Variants in CADM1 observed in about 807,000 individuals in gnomAD.
CADM1 encodes the protein TSLC-1.
Under a neutral mutation model 53.1 loss-of-function variants are expected in CADM1, and 15 were observed. The observed-to-expected ratio is 0.28, with a 90% CI of 0.19 to 0.44. CADM1 has a LOEUF of 0.44. CADM1 is among the 20% of genes least tolerant of loss of function. The pLI is 1.00. For synonymous variants in CADM1, 281 were observed against 243.0 expected (o/e 1.16, Z -1.45); for missense variants, 434 against 611.3 (o/e 0.71, Z 3.06).
intron 1 of CADM1, among the ~76,000 whole-genome samples, chr11:115,344,014 A>G (rs1312561002): frequency 1.3e-5 from 2 of 152,162 alleles, no homozygotes; most frequent in African/African-American, 2.4e-5. Flanking sequence ...AGTATCGTGG[A>G]GCTTTGTTAA....
intron 1 of CADM1, among the ~76,000 whole-genome samples, chr11:115,332,221 C>T (rs1565370089): frequency 6.6e-6 from 1 of 151,972 alleles, no homozygotes; most frequent in Non-Finnish European, 1.5e-5. Flanking sequence ...AAAACAAGGA[C>T]AGAACAAGGA....
At chr11:115,285,356 G>T (rs10891822) in intron 1 of CADM1, among the ~76,000 whole-genome samples, 1 of 152,052 alleles carries the variant, frequency 6.6e-6, no homozygotes, top group Non-Finnish European at 1.5e-5. Context: ...GCTACAAATT[G>T]TTCTAAGTAC....
chr11:115,418,940 A>C, intron 1 of CADM1, among the ~76,000 whole-genome samples: 1 of 152,238 alleles, frequency 6.6e-6, no homozygotes, highest in East Asian at 1.9e-4. Flanking sequence ...ATCATAATTT[A>C]GAATACAAAT....
At chr11:115,236,127 C>A (rs1191512180) in intron 3 of CADM1, among the ~76,000 whole-genome samples, 1 of 152,174 alleles carries the variant, frequency 6.6e-6, no homozygotes, top group Non-Finnish European at 1.5e-5. Context: ...AACTAATAGA[C>A]ACATGCACTA....
At chr11:115,352,493 G>A (rs1370072715) in intron 1 of CADM1, among the ~76,000 whole-genome samples, 1 of 152,120 alleles carries the variant, frequency 6.6e-6, no homozygotes, top group East Asian at 1.9e-4. Flanking sequence ...GCAGAGTGCT[G>A]GATAAAATAG....
intron 1 of CADM1, among the ~76,000 whole-genome samples, chr11:115,381,121 C>G (rs1946565018): frequency 6.6e-6 from 1 of 151,666 alleles, no homozygotes; most frequent in South Asian, 2.1e-4. Flanking sequence ...GTGGTGAAAC[C>G]CCATCTCTAC....
At chr11:115,180,782 G>C (rs573332121) in intron 10 of CADM1, among the ~76,000 whole-genome samples, 3 of 152,254 alleles carry the variant, frequency 2.0e-5, no homozygotes, top group Non-Finnish European at 4.4e-5. Flanking sequence ...GCTCATGGGG[G>C]ACAAAAGTAA....
At chr11:115,464,787 A>G (rs527643999) in intron 1 of CADM1, among the ~76,000 whole-genome samples, 1 of 152,332 alleles carries the variant, frequency 6.6e-6, no homozygotes, top group South Asian at 2.1e-4. Context: ...TCAACCACAT[A>G]GGCCAAATTT....
At chr11:115,228,286 AG>A (rs1296105142) in intron 5 of CADM1, among the ~76,000 whole-genome samples, 3 of 152,184 alleles carry the variant, frequency 2.0e-5, no homozygotes, top group Non-Finnish European at 2.9e-5. Flanking sequence ...TAAGCTACCA[AG>A]TTTGTGACAA....
intron 1 of CADM1, among the ~76,000 whole-genome samples, chr11:115,264,897 G>A (rs1565332969): frequency 6.6e-6 from 1 of 152,102 alleles, no homozygotes; most frequent in African/African-American, 2.4e-5. Flanking sequence ...TGGGAATGGG[G>A]AAGGAGAGTC....
At chr11:115,356,897 T>C (rs1424793932) in intron 1 of CADM1, among the ~76,000 whole-genome samples, 2 of 152,212 alleles carry the variant, frequency 1.3e-5, no homozygotes, top group Admixed American at 6.5e-5. Flanking sequence ...CTTTGTATTC[T>C]ACAATTCTTA....
In CADM1 at chr11:115,231,485, G is replaced by A. The variant is rs1941812221; in HGVS notation, c.430C>T (p.Pro144Ser). The change falls in exon 4 of 12, where the codon CCA becomes TCA. Residue 144 changes from proline (P) to serine (S), a missense_variant. By Grantham distance (74) the Pro-to-Ser change is moderately conservative (BLOSUM62 -1). Around this residue, in one of 4 missense-constraint regions of CADM1, gnomAD observed 311 missense variants for 435.1 expected, o/e 0.71. Coordinates refer to ENST00000331581, the MANE Select transcript of CADM1 (RefSeq NM_001301043.2). The stretch of plus-strand genomic sequence containing the variant: ...TGGATATCGATCATCAGATTACGTG[G>A]TGGGACTACAAATTAAACATATGTG... ...SYTTITVLVP[P>S]RNLMIDIQKD... 1.2e-6 allele frequency: 2 copies of A among 1,613,840 alleles called. No homozygotes were observed. The highest frequency in any genetic ancestry group is 1.7e-5 in the Admixed American group (1 of 60,000).
At chr11:115,373,023 A>T (rs1215325654) in intron 1 of CADM1, among the ~76,000 whole-genome samples, 4 of 152,340 alleles carry the variant, frequency 2.6e-5, no homozygotes, top group East Asian at 3.9e-4. Context: ...AATTGCTCTG[A>T]TATTTTATCA....
At chr11:115,402,893 T>C (rs1947199130) in intron 1 of CADM1, among the ~76,000 whole-genome samples, 1 of 151,968 alleles carries the variant, frequency 6.6e-6, no homozygotes, top group South Asian at 2.1e-4. Context: ...GAGGTAAACA[T>C]AACTCACTAG....
rs548188979 is a variant in CADM1 at position 115,474,553 on chromosome 11, A to G, written c.124+29718T>C. Among the ~76,000 whole-genome samples, 3 of 152,004 alleles carry G rather than the reference A, an allele frequency of 2.0e-5. No individual in the cohort carries two copies. The South Asian group carries it at 6.3e-4, about 32-fold the overall frequency. On this transcript the variant is annotated intron_variant, in intron 1 of 11. Coordinates refer to ENST00000331581, the MANE Select transcript of CADM1 (RefSeq NM_001301043.2). The stretch of plus-strand genomic sequence containing the variant: ...ATGAGTTCATGTCCTTTATAGGGAC[A>G]TGAATGAAGCTGGAAACCATCATTC...
intron 1 of CADM1, among the ~76,000 whole-genome samples, chr11:115,348,082 A>T (rs1407733679): frequency 6.6e-6 from 1 of 152,202 alleles, no homozygotes; most frequent in Non-Finnish European, 1.5e-5. Flanking sequence ...ATTAAGTTCT[A>T]AGTACCATGG....
intron 1 of CADM1, among the ~76,000 whole-genome samples, chr11:115,281,727 T>A (rs1218907249): frequency 6.6e-6 from 1 of 152,218 alleles, no homozygotes; most frequent in Non-Finnish European, 1.5e-5. Context: ...TGGAAATACA[T>A]GAGCTGTCTA....
chr11:115,261,127 T>A (rs1440571708), intron 1 of CADM1, among the ~76,000 whole-genome samples: 1 of 152,154 alleles, frequency 6.6e-6, no homozygotes, highest in African/African-American at 2.4e-5. Flanking sequence ...CTAAATGTCA[T>A]GAGGGTACAC....
intron 1 of CADM1, among the ~76,000 whole-genome samples, chr11:115,448,772 C>T (rs1167444252): frequency 6.6e-6 from 1 of 152,010 alleles, no homozygotes; most frequent in African/African-American, 2.4e-5. Flanking sequence ...AATGTACCAG[C>T]TTAATTCTTG....
Sources: gnomAD v4.1 joint callset for allele counts (sites outside exome capture counted in the v4.1 genomes callset) on GRCh38, gnomAD v4.1.1 for gene constraint, gnomAD v4.1.1 regional missense constraint, MANE v1.5 for transcripts, NCBI Gene and HGNC (gene_info 2026-07-23, HGNC 2026-07-21) for gene names.